PLEKHG4B: variants seen among roughly 807,000 people sequenced by gnomAD.
The protein encoded by PLEKHG4B is pleckstrin homology domain-containing family G member 4B.
Under a neutral mutation model 121.3 loss-of-function variants are expected in PLEKHG4B, and 111 were observed. The observed-to-expected ratio is 0.92, with a 90% confidence interval of 0.78 to 1.07. The LOEUF is 1.07. Ranked by LOEUF, PLEKHG4B falls within the 50% of genes least tolerant of loss-of-function variation. The pLI is 0.00. For missense variants in PLEKHG4B, 1,831 were observed against 1,757.8 expected (o/e 1.04, Z -0.74); for synonymous variants, 738 against 725.0 (o/e 1.02, Z -0.29).
Position 118,404 on chromosome 5 carries a change from T to C in PLEKHG4B, c.243+4956T>C, listed in dbSNP as rs149999191. Among the ~76,000 whole-genome samples, 3 of 152,318 alleles carry C rather than the reference T, an allele frequency of 2.0e-5. No individual in the cohort carries two copies. In the East Asian group the frequency reaches 5.8e-4, roughly 29 times the overall value. ...TACGTAGAGTGCTGAGCCCAGCAAC[T>C]TTAGAATCCTTCCCAAGTACACATG... On this transcript the variant is annotated intron_variant, in intron 2 of 19. Coordinates refer to ENST00000637938, the MANE Select transcript of PLEKHG4B (RefSeq NM_052909.5).
chr5:101,616 C>G (rs1345431012), intron 1 of PLEKHG4B, among the ~76,000 whole-genome samples: 3 of 132,168 alleles, frequency 2.3e-5, no homozygotes, highest in Admixed American at 1.4e-4. Context: ...TGGGAAAAGT[C>G]TGTAGGGGAG....
intron 14 of PLEKHG4B, among the ~76,000 whole-genome samples, chr5:170,425 CT>C (rs1470407457): frequency 6.6e-6 from 1 of 152,110 alleles, no homozygotes; most frequent in Admixed American, 6.5e-5. Context: ...GCCTCAGCCT[CT>C]TGAGTAGCTG....
chr5:173,117 G>C (rs758477644), intron 17 of PLEKHG4B, 50 bp downstream of exon 17: 2 of 1,579,226 alleles, frequency 1.3e-6, no homozygotes, highest in East Asian at 4.5e-5. Context: ...GGCCCTCCAA[G>C]GGGGTCTCGG....
chr5:100,054 G>C (rs374061029), intron 1 of PLEKHG4B, among the ~76,000 whole-genome samples: 10 of 152,042 alleles, frequency 6.6e-5, no homozygotes, highest in African/African-American at 1.9e-4. Flanking sequence ...AAGAACGCTT[G>C]CATTCCAGGA....
chr5:135,681 AAATATATATATATATATATATATAT>A lies in PLEKHG4B; in HGVS notation c.244-3800_244-3776del, dbSNP rs1290931664. On this transcript the variant is annotated intron_variant, in intron 2 of 19. Coordinates refer to ENST00000637938, the MANE Select transcript of PLEKHG4B (RefSeq NM_052909.5). ...ACTCCATCTCAAAAAAAAAAAAAAA[AAATATATATATATATATATATATAT>A]ATATATATATATATATATATATGTA... Among the ~76,000 whole-genome samples, 23 of 38,682 alleles carry A rather than the reference AAATATATATATATATATATATATAT, an allele frequency of 5.9e-4. 1 individual carries two copies. Among genetic ancestry groups the A allele is most frequent in the South Asian group, 2.7e-3 (3 of 1,130 alleles). 25.4% of individuals were successfully genotyped at this position (38,682 alleles called of 152,430 possible).
Position 174,244 on chromosome 5 carries a change from G to T in PLEKHG4B, c.4402+146G>T, listed in dbSNP as rs553215629. 932 of 552,926 alleles carry T rather than the reference G, an allele frequency of 1.7e-3. 4 individuals are homozygous for T. The highest frequency in any genetic ancestry group is 3.1e-3 in the Middle Eastern group (6 of 1,938). The allele number at this position is 552,926 out of a possible 1,614,324, so 34.3% of individuals were successfully genotyped here. On this transcript the variant is annotated intron_variant, in intron 18 of 19. Coordinates refer to ENST00000637938, the MANE Select transcript of PLEKHG4B (RefSeq NM_052909.5). ...GGGCTAGAGCTGGGGCTGGAGCTGTGGTCGGGGACTGAGTCCAGGGGCTGG... is the reference window on the plus strand; with the variant it reads ...GGGCTAGAGCTGGGGCTGGAGCTGTTGTCGGGGACTGAGTCCAGGGGCTGG...
chr5:163,091 C>A lies in PLEKHG4B; in HGVS notation c.3019C>A (p.Gln1007Lys). ...DSGGGAWEPA[Q>K]PLSGLPGRAL... The stretch of plus-strand genomic sequence containing the variant: ...TGGGGGTGGTGCCTGGGAACCTGCG[C>A]AACCACTGTCCGGCCTCCCTGGACG... Residue 1007 changes from glutamine to lysine, a missense_variant, in exon 13 of 20, where the codon CAA becomes AAA. Coordinates refer to ENST00000637938, the MANE Select transcript of PLEKHG4B (RefSeq NM_052909.5). The A allele has an allele frequency of 6.4e-7, 1 of 1,563,450 alleles. No homozygotes were observed. The highest frequency in any genetic ancestry group is 1.2e-5 in the South Asian group (1 of 85,292).
At position 184,022 on chromosome 5, in the gene PLEKHG4B, T is replaced by TAGATAGAC. The variant is rs1733535333; in HGVS notation, c.*1700_*1707dup. Reference sequence around the variant, plus strand: ...ATAGATAGATAGATAGATAGATAGATAGATAGACTGACAGACAGATGAGAG... The same window carrying TAGATAGAC: ...ATAGATAGATAGATAGATAGATAGATAGATAGACAGATAGACTGACAGACAGATGAGAG... On this transcript the variant is annotated 3_prime_UTR_variant, in exon 20 of 20. Transcript: ENST00000637938. 1 of 144,160 alleles carries TAGATAGAC rather than the reference T, an allele frequency of 6.9e-6. No homozygotes were observed. Among genetic ancestry groups the TAGATAGAC allele is most frequent in the African/African-American group, 2.7e-5 (1 of 36,884 alleles). 8.9% of individuals were successfully genotyped at this position (144,160 alleles called of 1,614,324 possible).
At chr5:148,362 T>A (rs6860792) in intron 6 of PLEKHG4B, among the ~76,000 whole-genome samples, 11,279 of 140,290 alleles carry the variant, frequency 0.08, 1,401 homozygotes, top group African/African-American at 0.26. Context: ...AAAAAATAAA[T>A]AAAAATAAGT....
intron 2 of PLEKHG4B, among the ~76,000 whole-genome samples, chr5:138,278 T>C (rs1735042538): frequency 1.3e-5 from 2 of 152,238 alleles, no homozygotes; most frequent in African/African-American, 4.8e-5. Flanking sequence ...TTAAGTCAAA[T>C]TTGCCATATC....
chr5:140,552 G>C lies in PLEKHG4B; in HGVS notation c.1313G>C (p.Arg438Pro), dbSNP rs1313120172. The C allele has an allele frequency of 6.2e-7, 1 of 1,605,162 alleles. No homozygotes were observed. The highest frequency in any genetic ancestry group is 8.5e-7 in the Non-Finnish European group (1 of 1,176,542). Reference protein sequence around the residue: ...AAGRTLPRRSRSWERAPRSSR... With the variant: ...AAGRTLPRRSPSWERAPRSSR... ...GGGCGGACTCTTCCCAGGAGATCTCGGTCCTGGGAAAGGGCACCCAGAAGC... is the reference window on the plus strand; with the variant it reads ...GGGCGGACTCTTCCCAGGAGATCTCCGTCCTGGGAAAGGGCACCCAGAAGC... The change falls in exon 3 of 20, where the codon CGG becomes CCG. Residue 438 changes from arginine (R) to proline (P), a missense_variant. Physicochemically the swap from Arg to Pro is moderately radical, Grantham distance 103. Coordinates refer to ENST00000637938, the MANE Select transcript of PLEKHG4B (RefSeq NM_052909.5).
intron 13 of PLEKHG4B, among the ~76,000 whole-genome samples, chr5:164,155 C>G (rs1736153258): frequency 6.6e-6 from 1 of 152,262 alleles, no homozygotes; most frequent in African/African-American, 2.4e-5. Context: ...GCTTCTGTGT[C>G]TTGGGCCAGC....
chr5:184,325 A>T lies in PLEKHG4B; in HGVS notation c.*2002A>T, dbSNP rs1733546619. 6.6e-6 allele frequency: 1 copy of T among 152,230 alleles called. No individual in the cohort carries two copies. Among genetic ancestry groups the T allele is most frequent in the Non-Finnish European group, 1.5e-5 (1 of 68,048 alleles). 9.4% of individuals were successfully genotyped at this position (152,230 alleles called of 1,614,324 possible). A position where few individuals can be genotyped will look rare whatever the true frequency, so the allele number is the denominator to read the frequency against. ...TGCATATAACCAGTGATAAACAGAAAATCCTAAAACCAGTCAGAGGACAAG... is the reference window on the plus strand; with the variant it reads ...TGCATATAACCAGTGATAAACAGAATATCCTAAAACCAGTCAGAGGACAAG... On this transcript the variant is annotated 3_prime_UTR_variant, in exon 20 of 20. Transcript: ENST00000637938.
Position 171,360 on chromosome 5 carries a change from G to A in PLEKHG4B, c.3966G>A (p.Glu1322=). The change falls in exon 16 of 20, where the codon GAG becomes GAA. Residue 1322 remains glutamate, a synonymous_variant. Transcript: ENST00000637938. ...TGGCCCAGGGGCAGGAGCTGGGCGA[G>A]CTCCGAGCCGCCGAGGTCGTGGTCT... ...CGLAQGQELG[E]LRAAEVVVCF... is the part of the protein sequence containing the mutation. 1 of 1,611,978 alleles carries A rather than the reference G, an allele frequency of 6.2e-7. No homozygotes were observed. Among genetic ancestry groups the A allele is most frequent in the Non-Finnish European group, 8.5e-7 (1 of 1,179,792 alleles).
At chr5:94,862 T>C (rs1733585675) in intron 1 of PLEKHG4B, among the ~76,000 whole-genome samples, 1 of 152,164 alleles carries the variant, frequency 6.6e-6, no homozygotes, top group African/African-American at 2.4e-5. Context: ...AGCTTCAGTC[T>C]GTTCATTGTT....
intron 2 of PLEKHG4B, among the ~76,000 whole-genome samples, chr5:133,137 T>A (rs1301578372): frequency 6.6e-6 from 1 of 152,196 alleles, no homozygotes; most frequent in Non-Finnish European, 1.5e-5. Context: ...CTAATTATTT[T>A]AATTTTTTGC....
At chr5:133,730 A>G (rs986040400) in intron 2 of PLEKHG4B, among the ~76,000 whole-genome samples, 1 of 152,148 alleles carries the variant, frequency 6.6e-6, no homozygotes, top group African/African-American at 2.4e-5. Flanking sequence ...GAGATTCCTT[A>G]AAGAACTAAA....
Position 96,700 on chromosome 5 carries a change from A to C in PLEKHG4B, c.45+4424A>C, listed in dbSNP as rs546154491. Among the ~76,000 whole-genome samples the C allele has an allele frequency of 2.6e-5, 4 of 152,326 alleles. No individual in the cohort carries two copies. In the East Asian group the frequency reaches 7.7e-4, roughly 29 times the overall value. On this transcript the variant is annotated intron_variant, in intron 1 of 19. Transcript: ENST00000637938. Reference sequence around the variant, plus strand: ...GAGGCTGGAGCATTCCATGGCAGCAACCCAGAGAATCACAGTGACCACTCA... The same window carrying C: ...GAGGCTGGAGCATTCCATGGCAGCACCCCAGAGAATCACAGTGACCACTCA...
intron 8 of PLEKHG4B, 141 bp from the exon 9 acceptor site, chr5:155,204 C>G: frequency 1.2e-6 from 1 of 864,784 alleles, no homozygotes. Context: ...CCGGAAGTGT[C>G]TGTAGATCTC....
Sources: gnomAD v4.1 joint callset for allele counts (sites outside exome capture counted in the v4.1 genomes callset) on GRCh38, gnomAD v4.1.1 for gene constraint, MANE v1.5 for transcripts, NCBI Gene and HGNC (gene_info 2026-07-23, HGNC 2026-07-21) for gene names.